Variants in ADAMTS2 observed in about 807,000 individuals in gnomAD.
ADAMTS2 encodes A disintegrin and metalloproteinase with thrombospondin motifs 2.
Under a neutral mutation model 123.0 loss-of-function variants are expected in ADAMTS2, and 50 were observed. The observed-to-expected ratio is 0.41, with a 90% confidence interval of 0.32 to 0.51. ADAMTS2 has a LOEUF of 0.51. Ranked by LOEUF, ADAMTS2 falls within the 20% of genes least tolerant of loss-of-function variation. ADAMTS2 has a pLI of 0.35. For synonymous variants in ADAMTS2, 678 were observed against 695.4 expected (o/e 0.98, Z 0.39); for missense variants, 1,494 against 1,705.2 (o/e 0.88, Z 2.18).
intron 2 of ADAMTS2, among the ~76,000 whole-genome samples, chr5:179,296,139 G>A (rs745349745): frequency 4.0e-5 from 6 of 151,168 alleles, no homozygotes; most frequent in Non-Finnish European, 8.9e-5. Flanking sequence ...CTGAGCCGTG[G>A]GGACAGGAGA....
intron 10 of ADAMTS2, among the ~76,000 whole-genome samples, chr5:179,146,803 T>C (rs970919252): frequency 2.6e-5 from 4 of 152,204 alleles, no homozygotes; most frequent in African/African-American, 9.6e-5. Flanking sequence ...ATCCCATTAA[T>C]TTTTATCTGA....
At chr5:179,137,711 C>A in intron 12 of ADAMTS2, 58 bp downstream of exon 12, 3 of 1,442,048 alleles carry the variant, frequency 2.1e-6, no homozygotes, top group East Asian at 2.5e-5. Context: ...AGCCCCCACC[C>A]TGCCCACCCT....
chr5:179,170,658 G>A lies in ADAMTS2; in HGVS notation c.975+10414C>T, dbSNP rs1416334042. Among the ~76,000 whole-genome samples the A allele has an allele frequency of 6.6e-6, 1 of 152,134 alleles. No individual in the cohort carries two copies. The highest frequency in any genetic ancestry group is 2.4e-5 in the African/African-American group (1 of 41,426). Reference sequence around the variant, plus strand: ...GGCCTTTTGCCCCCAGATCTTGGCTGGGAAGTCCCCATCCTGGCTGCTCCA... The same window carrying A: ...GGCCTTTTGCCCCCAGATCTTGGCTAGGAAGTCCCCATCCTGGCTGCTCCA... On this transcript the variant is annotated intron_variant, in intron 5 of 21. Transcript: ENST00000251582. The surrounding 1 kb of genome is among the most constrained non-coding windows in gnomAD (Gnocchi z 4.3).
chr5:179,277,440 C>G (rs1387613580), intron 2 of ADAMTS2, among the ~76,000 whole-genome samples: 2 of 41,656 alleles, frequency 4.8e-5, no homozygotes, highest in Admixed American at 2.6e-4. Flanking sequence ...CTGACCGCCC[C>G]CGAGACCAAA....
chr5:179,183,011 T>C (rs1764082370), intron 4 of ADAMTS2, among the ~76,000 whole-genome samples: 1 of 152,166 alleles, frequency 6.6e-6, no homozygotes, highest in African/African-American at 2.4e-5. Context: ...ACAAAGCTGT[T>C]GTGGGGATGA....
At chr5:179,179,284 A>G (rs17668185) in intron 5 of ADAMTS2, among the ~76,000 whole-genome samples, 21,580 of 149,906 alleles carry the variant, frequency 0.14, 1,709 homozygotes, top group African/African-American at 0.19. Context: ...TTTTCAAATG[A>G]ATTGGATTTT....
intron 4 of ADAMTS2, among the ~76,000 whole-genome samples, chr5:179,198,518 GGGCTACA>G (rs1310473445): frequency 6.6e-6 from 1 of 152,206 alleles, no homozygotes; most frequent in Admixed American, 6.5e-5. Context: ...GCAGCCAGGA[GGGCTACA>G]GCTGCGTGTG....
At chr5:179,251,918 C>G (rs62394987) in intron 3 of ADAMTS2, among the ~76,000 whole-genome samples, 41,377 of 151,886 alleles carry the variant, frequency 0.27, 7,176 homozygotes, top group Non-Finnish European at 0.35. Context: ...AACTGAGGAT[C>G]TGGCAACACT....
chr5:179,342,325 AGC>A (rs571843213), intron 2 of ADAMTS2, among the ~76,000 whole-genome samples: 304 of 152,314 alleles, frequency 2.0e-3, no homozygotes, highest in Non-Finnish European at 3.2e-3. Flanking sequence ...ATTAACCTCC[AGC>A]GTAAAATGGG....
chr5:179,170,470 G>A lies in ADAMTS2; in HGVS notation c.975+10602C>T, dbSNP rs781242654. ...GCCATGCTAAAATTCTTCTAGAGAC[G>A]GGGGCCTCATTCCTTGACGGGAAGC... On this transcript the variant is annotated intron_variant, in intron 5 of 21. Transcript: ENST00000251582. The surrounding 1 kb of genome is among the most constrained non-coding windows in gnomAD (Gnocchi z 4.3). 3.9e-5 allele frequency among the ~76,000 whole-genome samples: 6 copies of A among 152,132 alleles called. No homozygotes were observed. The highest frequency in any genetic ancestry group is 4.2e-4 in the South Asian group (2 of 4,806).
chr5:179,310,962 G>A (rs924710074), intron 2 of ADAMTS2, among the ~76,000 whole-genome samples: 10 of 151,774 alleles, frequency 6.6e-5, no homozygotes, highest in Admixed American at 2.6e-4. Flanking sequence ...CCCACTTGCC[G>A]GCTGGGTCCT....
At chr5:179,121,850 C>T (rs746061273) in intron 20 of ADAMTS2, 100 bp from the exon 21 acceptor site, 8 of 769,588 alleles carry the variant, frequency 1.0e-5, no homozygotes, top group Non-Finnish European at 1.6e-5. Flanking sequence ...GGGGAAGCGT[C>T]ATTCAAGGCC....
intron 2 of ADAMTS2, among the ~76,000 whole-genome samples, chr5:179,337,501 C>T (rs1219343033): frequency 6.6e-5 from 10 of 152,234 alleles, no homozygotes; most frequent in Admixed American, 2.6e-4. Flanking sequence ...CACACTCCCG[C>T]CATGCACAGG....
chr5:179,266,219 T>C (rs1320596513), intron 3 of ADAMTS2, among the ~76,000 whole-genome samples: 1 of 152,218 alleles, frequency 6.6e-6, no homozygotes, highest in Non-Finnish European at 1.5e-5. Context: ...AGCTGAATCA[T>C]GACCCCCGGA....
chr5:179,344,540 G>A (rs981594511), intron 1 of ADAMTS2, among the ~76,000 whole-genome samples: 2 of 152,234 alleles, frequency 1.3e-5, no homozygotes, highest in African/African-American at 2.4e-5. Flanking sequence ...GAGCTGCTCG[G>A]AAGCCATTCC....
At chr5:179,236,740 G>T (rs537222679) in intron 3 of ADAMTS2, among the ~76,000 whole-genome samples, 6 of 152,172 alleles carry the variant, frequency 3.9e-5, no homozygotes, top group African/African-American at 1.4e-4. Context: ...GCAGTAAGCC[G>T]AGTCCATGCT....
intron 3 of ADAMTS2, among the ~76,000 whole-genome samples, chr5:179,237,819 C>T (rs75029825): frequency 0.046 from 7,070 of 152,182 alleles, 223 homozygotes; most frequent in Non-Finnish European, 0.076. Context: ...CTGGATTCAC[C>T]AGGACACAAA....
At chr5:179,291,906 TA>T (rs71577036) in intron 2 of ADAMTS2, among the ~76,000 whole-genome samples, 1,577 of 147,104 alleles carry the variant, frequency 0.011, 37 homozygotes, top group African/African-American at 0.038. Context: ...CTAGCTAATT[TA>T]AAAAAAAAAA....
In ADAMTS2 at chr5:179,303,637, T is replaced by A. The variant is rs2450197; in HGVS notation, c.535-30573A>T. On this transcript the variant is annotated intron_variant, in intron 2 of 21. Coordinates refer to ENST00000251582, the MANE Select transcript of ADAMTS2 (RefSeq NM_014244.5). This position sits in a 1 kb window ranked among gnomAD's most constrained non-coding sequence, Gnocchi z 4.7. ...CAGAGCCAAGCCAACACCTCATTTT[T>A]CTTTCCTATTTCCTTTTTCTTTTCT... Among the ~76,000 whole-genome samples the A allele has an allele frequency of 0.29, 44,118 of 152,160 alleles. 7,772 individuals carry two copies. The highest frequency in any genetic ancestry group is 0.39 in the Non-Finnish European group (26,606 of 67,964).
Sources: allele counts gnomAD v4.1 joint callset (sites outside exome capture counted in the v4.1 genomes callset), GRCh38; gene constraint gnomAD v4.1.1; non-coding constraint Gnocchi (gnomAD v3.1); transcripts MANE v1.5; gene names NCBI Gene and HGNC (gene_info 2026-07-23, HGNC 2026-07-21).